FAM163A: variants seen among roughly 807,000 people sequenced by gnomAD.
FAM163A encodes family with sequence similarity 163 member A.
In FAM163A, 7 loss-of-function variants were observed where a neutral mutation model predicts 12.0. The ratio of observed to expected loss-of-function variants is 0.58; its 90% CI spans 0.33 to 1.10. The LOEUF (loss-of-function observed/expected upper bound fraction) is 1.10. Among genes scored for constraint, FAM163A ranks in the 50% least tolerant of loss-of-function variants. The pLI is 0.03. For synonymous variants in FAM163A, 101 were observed against 91.0 expected (o/e 1.11, Z -0.62); for missense variants, 202 against 218.6 (o/e 0.92, Z 0.48).
rs879762896 is a variant in FAM163A, at chr1:179,808,592, T to C, written c.-45+704T>C. Reference sequence around the variant, plus strand: ...ATGGCAACTTTCAGTATCAAAACTATCAGAGAGAATGGCTAGCAAGAGAAT... The same window carrying C: ...ATGGCAACTTTCAGTATCAAAACTACCAGAGAGAATGGCTAGCAAGAGAAT... On this transcript the variant is annotated intron_variant, in intron 2 of 4. Transcript: ENST00000341785. Among the ~76,000 whole-genome samples, 3 of 152,214 alleles carry C rather than the reference T, an allele frequency of 2.0e-5. No individual in the cohort carries two copies. In the East Asian group the frequency reaches 5.8e-4, roughly 29 times the overall value.
chr1:179,798,618 G>C (rs1478433346), intron 1 of FAM163A, among the ~76,000 whole-genome samples: 3 of 152,212 alleles, frequency 2.0e-5, no homozygotes, highest in Non-Finnish European at 4.4e-5. Flanking sequence ...TGCTTTTTAA[G>C]GTCTCCTACC....
chr1:179,767,300 G>A (rs1687640264), intron 1 of FAM163A, among the ~76,000 whole-genome samples: 1 of 152,124 alleles, frequency 6.6e-6, no homozygotes, highest in Non-Finnish European at 1.5e-5. Context: ...CCAGGCTTGT[G>A]CTAATTTGAA....
Position 179,815,109 on chromosome 1 carries a change from G to GCGCGCGCGCACA in FAM163A, c.*921_*922insGCGCGCGCACAC, listed in dbSNP as rs1273970601. The GCGCGCGCGCACA allele has an allele frequency of 1.0e-4, 7 of 67,236 alleles. No individual in the cohort carries two copies. The highest frequency in any genetic ancestry group is 4.4e-4 in the African/African-American group (7 of 15,782). 4.2% of individuals were successfully genotyped at this position (67,236 alleles called of 1,614,324 possible). ...CAGGTGTACGCACGCGCGCGCGCGC[G>GCGCGCGCGCACA]CACAGACACACACACACACACACAC... is the stretch of plus-strand genomic sequence containing the variant. On this transcript the variant is annotated 3_prime_UTR_variant, in exon 5 of 5. Coordinates refer to ENST00000341785, the MANE Select transcript of FAM163A (RefSeq NM_173509.3).
intron 1 of FAM163A, among the ~76,000 whole-genome samples, chr1:179,784,146 G>T (rs1250039693): frequency 6.6e-6 from 1 of 152,142 alleles, no homozygotes; most frequent in African/African-American, 2.4e-5. Flanking sequence ...TGCAATTCAG[G>T]GTTGGGCGTA....
chr1:179,744,175 G>A (rs1473507170), intron 1 of FAM163A, among the ~76,000 whole-genome samples: 1 of 152,222 alleles, frequency 6.6e-6, no homozygotes, highest in Non-Finnish European at 1.5e-5. Context: ...CCAGGACAGC[G>A]GGGGTAGGAC....
chr1:179,795,071 A>G (rs1162915654), intron 1 of FAM163A, among the ~76,000 whole-genome samples: 2 of 152,162 alleles, frequency 1.3e-5, no homozygotes, highest in African/African-American at 4.8e-5. Context: ...GGTGGTAAGA[A>G]GGGGGATGGG....
chr1:179,738,365 A>G (rs1484808874), upstream of FAM163A, among the ~76,000 whole-genome samples: 2 of 152,226 alleles, frequency 1.3e-5, no homozygotes, highest in African/African-American at 2.4e-5. Flanking sequence ...CTCCATGAAT[A>G]TGTACAATTA....
rs3075114 is a variant in FAM163A at position 179,815,095 on chromosome 1, A to ACGCGCG, written c.*916_*921dup. 113 of 129,118 alleles carry ACGCGCG rather than the reference A, an allele frequency of 8.8e-4. No individual in the cohort carries two copies. The highest frequency in any genetic ancestry group is 3.9e-3 in the African/African-American group (108 of 27,600). 8.0% of individuals were successfully genotyped at this position (129,118 alleles called of 1,614,324 possible). On this transcript the variant is annotated 3_prime_UTR_variant, in exon 5 of 5. Transcript: ENST00000341785. ...TGCATAACCGTTCCCAGGTGTACGC[A>ACGCGCG]CGCGCGCGCGCGCGCACAGACACAC...
At chr1:179,747,433 G>A (rs973533840) in intron 1 of FAM163A, among the ~76,000 whole-genome samples, 5 of 152,338 alleles carry the variant, frequency 3.3e-5, no homozygotes, top group Admixed American at 1.3e-4. Context: ...TGGGGTGGGT[G>A]ATGGGACAGG....
chr1:179,775,393 G>A (rs757774525), intron 1 of FAM163A, among the ~76,000 whole-genome samples: 3 of 152,220 alleles, frequency 2.0e-5, no homozygotes, highest in Admixed American at 6.5e-5. Flanking sequence ...TATCTGCCAC[G>A]CAGAAAAGGT....
intron 1 of FAM163A, among the ~76,000 whole-genome samples, chr1:179,748,533 A>C (rs1390091199): frequency 1.3e-5 from 2 of 152,250 alleles, no homozygotes; most frequent in African/African-American, 4.8e-5. Flanking sequence ...AGGATGAGCA[A>C]GGCATGGCCC....
intron 1 of FAM163A, among the ~76,000 whole-genome samples, chr1:179,761,416 C>G (rs868285792): frequency 6.6e-6 from 1 of 152,214 alleles, no homozygotes; most frequent in African/African-American, 2.4e-5. Flanking sequence ...ACACAGCAGT[C>G]TTTTTCTCCA....
the FAM163A span, among the ~76,000 whole-genome samples, chr1:179,736,180 A>G: frequency 6.6e-6 from 1 of 152,240 alleles, no homozygotes. Flanking sequence ...ACAGACAAGT[A>G]GGACTACATT....
In FAM163A at chr1:179,814,198, A is replaced by C; in HGVS notation, c.*9A>C. 6.3e-7 allele frequency: 1 copy of C among 1,595,414 alleles called. No individual in the cohort carries two copies. The highest frequency in any genetic ancestry group is 8.6e-7 in the Non-Finnish European group (1 of 1,169,550). On this transcript the variant is annotated 3_prime_UTR_variant, in exon 5 of 5. Transcript: ENST00000341785. ...TTAGTACAGACGTGTAAATCCTTCC[A>C]CCCCGACCCGCACACACACCCACAC... is the stretch of plus-strand genomic sequence containing the variant.
chr1:179,762,305 A>C (rs1233072416), intron 1 of FAM163A, among the ~76,000 whole-genome samples: 1 of 152,228 alleles, frequency 6.6e-6, no homozygotes, highest in Non-Finnish European at 1.5e-5. Flanking sequence ...CTGTAATGGG[A>C]GTAAACATCA....
intron 1 of FAM163A, among the ~76,000 whole-genome samples, chr1:179,746,148 T>C (rs1028274228): frequency 6.6e-6 from 1 of 152,244 alleles, no homozygotes; most frequent in Non-Finnish European, 1.5e-5. Context: ...GGTACTTTCA[T>C]ATATTGCTGC....
At position 179,813,130 on chromosome 1, in the gene FAM163A, A is replaced by G. The variant is rs1388754365; in HGVS notation, c.33A>G (p.Gly11=). 2.6e-6 allele frequency: 4 copies of G among 1,551,820 alleles called. No individual in the cohort carries two copies. The highest frequency in any genetic ancestry group is 2.4e-5 in the East Asian group (1 of 40,970). ...CGGGAACGGTTGTGATCACTGGCGGAATCCTAGCTACGGTGATCCTCCTCT... is the reference window on the plus strand; with the variant it reads ...CGGGAACGGTTGTGATCACTGGCGGGATCCTAGCTACGGTGATCCTCCTCT... The part of the protein sequence containing the change: MTAGTVVITG[G]ILATVILLCI... The change falls in exon 4 of 5, where the codon GGA becomes GGG. Residue 11 remains glycine, a synonymous_variant. Transcript: ENST00000341785.
At chr1:179,782,705 G>C (rs185437687) in intron 1 of FAM163A, among the ~76,000 whole-genome samples, 29 of 152,308 alleles carry the variant, frequency 1.9e-4, no homozygotes, top group African/African-American at 7.0e-4. Flanking sequence ...AAGAACATTA[G>C]AGCCAGAGCA....
chr1:179,790,107 T>G (rs1433520088), intron 1 of FAM163A, among the ~76,000 whole-genome samples: 1 of 151,988 alleles, frequency 6.6e-6, no homozygotes, highest in African/African-American at 2.4e-5. Context: ...TCAACCCAGA[T>G]GGTAGCAGTA....
Sources: allele counts gnomAD v4.1 joint callset (sites outside exome capture counted in the v4.1 genomes callset), GRCh38; gene constraint gnomAD v4.1.1; transcripts MANE v1.5; gene names NCBI Gene and HGNC (gene_info 2026-07-23, HGNC 2026-07-21).